MED21: variants seen among roughly 807,000 people sequenced by gnomAD.
MED21 encodes mediator complex subunit 21.
Under a neutral mutation model 18.2 loss-of-function variants are expected in MED21, and 9 were observed. That is an observed-to-expected ratio of 0.49 (90% CI 0.30 to 0.86). MED21 has a LOEUF of 0.86. Ranked by LOEUF, MED21 falls within the 40% of genes least tolerant of loss-of-function variation. The pLI, the probability that MED21 is intolerant of heterozygous loss-of-function variation, is 0.07. For synonymous variants in MED21, 73 were observed against 60.5 expected (o/e 1.21, Z -0.96); for missense variants, 150 against 170.9 (o/e 0.88, Z 0.68).
Position 27,028,406 on chromosome 12 carries a change from A to G in MED21, c.380A>G (p.Gln127Arg). 6.2e-7 allele frequency: 1 copy of G among 1,614,166 alleles called. No homozygotes were observed. The highest frequency in any genetic ancestry group is 8.5e-7 in the Non-Finnish European group (1 of 1,179,994). ...KIQSALADIAQSQLKTRSGTH... is the reference protein window; with the variant it reads ...KIQSALADIARSQLKTRSGTH... Reference sequence around the variant, plus strand: ...CAAAGCGCACTTGCTGATATTGCACAGTCACAGCTGAAGACAAGAAGTGGT... The same window carrying G: ...CAAAGCGCACTTGCTGATATTGCACGGTCACAGCTGAAGACAAGAAGTGGT... The change falls in exon 4 of 4, where the codon CAG (glutamine) becomes CGG (arginine). Residue 127 changes from glutamine (Q) to arginine (R), a missense_variant. By Grantham distance (43) the Gln-to-Arg change is conservative. Transcript: ENST00000282892.
At chr12:27,036,264 T>C (rs1213423375) in intron 2 of MED21, among the ~76,000 whole-genome samples, 5 of 152,234 alleles carry the variant, frequency 3.3e-5, no homozygotes, top group African/African-American at 1.2e-4. Context: ...TCATATCCTT[T>C]GCCCACTTTT....
At chr12:27,032,643 A>G (rs1053532477), downstream of MED21, among the ~76,000 whole-genome samples, 1 of 152,190 alleles carries the variant, frequency 6.6e-6, no homozygotes, top group Non-Finnish European at 1.5e-5. Flanking sequence ...TTCTTGTTAC[A>G]TTTCAGGAAA....
At chr12:27,038,602 T>C (rs1250115497) in intron 2 of MED21, 1 of 152,222 alleles carries the variant, frequency 6.6e-6, no homozygotes, top group African/African-American at 2.4e-5. Flanking sequence ...CAAAACTTGC[T>C]TTAATAATTT....
At chr12:27,038,420 AAAGT>A (rs1941662453) in intron 2 of MED21, 1 of 152,224 alleles carries the variant, frequency 6.6e-6, no homozygotes, top group African/African-American at 2.4e-5. Context: ...AAATAAGTAG[AAAGT>A]AATACCATCT....
chr12:27,032,631 C>T (rs1941627767), downstream of MED21, among the ~76,000 whole-genome samples: 1 of 152,188 alleles, frequency 6.6e-6, no homozygotes, highest in South Asian at 2.1e-4. Flanking sequence ...AGAAATCCCT[C>T]CTTCTTGTTA....
intron 2 of MED21, chr12:27,037,734 T>G (rs1348541635): frequency 1.3e-5 from 2 of 152,230 alleles, no homozygotes; most frequent in African/African-American, 4.8e-5. Context: ...ATTGGAATAT[T>G]CAAAGGGCAG....
chr12:27,038,231 T>C (rs543140599), intron 2 of MED21: 2 of 151,308 alleles, frequency 1.3e-5, no homozygotes, highest in East Asian at 1.9e-4. Context: ...CAAAAAACAA[T>C]ATGTAACATA....
intron 1 of MED21, among the ~76,000 whole-genome samples, chr12:27,025,430 G>A (rs1941531056): frequency 6.6e-6 from 1 of 152,178 alleles, no homozygotes; most frequent in Non-Finnish European, 1.5e-5. Context: ...GACAGTGGTG[G>A]AGTAAGCTTA....
At chr12:27,034,793 C>T (rs926231587), downstream of MED21, among the ~76,000 whole-genome samples, 30 of 152,060 alleles carry the variant, frequency 2.0e-4, no homozygotes, top group African/African-American at 1.4e-4. Context: ...GCTTGTCGCC[C>T]GGGCTGGAGT....
chr12:27,026,335 GA>G, intron 1 of MED21, 84 bp from the exon 2 acceptor site: 1 of 761,092 alleles, frequency 1.3e-6, no homozygotes, highest in Middle Eastern at 2.4e-4. Context: ...TATCATTACA[GA>G]AACTTATTGT....
chr12:27,029,090 G>A lies in MED21; in HGVS notation c.*629G>A. The A allele has an allele frequency of 1.0e-6, 1 of 985,328 alleles. No individual in the cohort carries two copies. The highest frequency in any genetic ancestry group is 1.2e-6 in the Non-Finnish European group (1 of 829,900). 61.0% of individuals were successfully genotyped at this position (985,328 alleles called of 1,614,324 possible). On this transcript the variant is annotated 3_prime_UTR_variant, in exon 4 of 4. Transcript: ENST00000282892. The stretch of plus-strand genomic sequence containing the variant: ...GTCAAGAGAATTTCCTGGCTGTTGT[G>A]AAAGAATTTTTCTACATCCTGAACT...
At chr12:27,027,304 T>G in intron 2 of MED21, 43 bp from the exon 3 acceptor site, 1 of 1,406,742 alleles carries the variant, frequency 7.1e-7, no homozygotes, top group South Asian at 1.2e-5. Flanking sequence ...TTCTGAAAAC[T>G]TGAGGTTTTC....
downstream of MED21, among the ~76,000 whole-genome samples, chr12:27,035,604 A>G (rs1941645298): frequency 1.0e-5 from 1 of 100,094 alleles, no homozygotes; most frequent in African/African-American, 3.9e-5. Flanking sequence ...CCACCCCACA[A>G]CAGTCCCCAG....
Position 27,029,414 on chromosome 12 carries a change from A to C in MED21, c.*953A>C, listed in dbSNP as rs370727991. On this transcript the variant is annotated 3_prime_UTR_variant, in exon 4 of 4. Coordinates refer to ENST00000282892, the MANE Select transcript of MED21 (RefSeq NM_004264.5). ...CTTGGATCTCTTTGAGTCTACTGATAATCTCCACTGGAAAGGTGGAATTGA... is the reference window on the plus strand; with the variant it reads ...CTTGGATCTCTTTGAGTCTACTGATCATCTCCACTGGAAAGGTGGAATTGA... 3.0e-6 allele frequency: 3 copies of C among 985,302 alleles called. No homozygotes were observed. In the African/African-American group the frequency reaches 5.2e-5, roughly 17 times the overall value. 61.0% of individuals were successfully genotyped at this position (985,302 alleles called of 1,614,324 possible). A position where few individuals can be genotyped will look rare whatever the true frequency, so the allele number is the denominator to read the frequency against.
downstream of MED21, among the ~76,000 whole-genome samples, chr12:27,034,681 T>A (rs2136496550): frequency 6.6e-6 from 1 of 152,296 alleles, no homozygotes; most frequent in Admixed American, 6.5e-5. Context: ...GCTCAACCGA[T>A]CTGCCCATTT....
Position 27,027,466 on chromosome 12 carries a change from G to T in MED21, c.258+19G>T. The T allele has an allele frequency of 6.4e-7, 1 of 1,567,170 alleles. No individual in the cohort carries two copies. Among genetic ancestry groups the T allele is most frequent in the South Asian group, 1.1e-5 (1 of 87,992 alleles). ...TTTACAGGTAAGCCTCTATTCCTTT[G>T]AGAATTTTACCAGTAATAGAGAATT... On this transcript the variant is annotated intron_variant, in intron 3 of 3. Coordinates refer to ENST00000282892, the MANE Select transcript of MED21 (RefSeq NM_004264.5).
At chr12:27,027,802 T>C (rs1330798398) in intron 3 of MED21, among the ~76,000 whole-genome samples, 4 of 152,240 alleles carry the variant, frequency 2.6e-5, no homozygotes, top group African/African-American at 9.6e-5. Context: ...ACTAATTCCA[T>C]CTATGAGATC....
downstream of MED21, among the ~76,000 whole-genome samples, chr12:27,033,639 G>A (rs1941632826): frequency 6.6e-6 from 1 of 152,146 alleles, no homozygotes; most frequent in Admixed American, 6.5e-5. Flanking sequence ...AAAAAGAGCA[G>A]AGGCACTCAT....
At position 27,027,387 on chromosome 12, in the gene MED21, A is replaced by C. The variant is rs771522973; in HGVS notation, c.198A>C (p.Ala66=). ...QLFAALIART[A]KDIDVLIDSL... ...TTGCAGCACTGATTGCACGAACAGC[A>C]AAAGACATTGATGTTTTGATAGATT... The change falls in exon 3 of 4, where the codon GCA becomes GCC. Residue 66 remains alanine, a synonymous_variant. Transcript: ENST00000282892. The C allele has an allele frequency of 6.2e-7, 1 of 1,613,948 alleles. No individual in the cohort carries two copies. The highest frequency in any genetic ancestry group is 2.2e-5 in the East Asian group (1 of 44,866).
Sources: gnomAD v4.1 joint callset for allele counts (sites outside exome capture counted in the v4.1 genomes callset) on GRCh38, gnomAD v4.1.1 for gene constraint, MANE v1.5 for transcripts, NCBI Gene and HGNC (gene_info 2026-07-23, HGNC 2026-07-21) for gene names.